AJUBA: variants seen among roughly 807,000 people sequenced by gnomAD.
AJUBA encodes ajuba LIM protein.
Under a neutral mutation model 53.3 loss-of-function variants are expected in AJUBA, and 20 were observed. The ratio of observed to expected loss-of-function variants is 0.38; its 90% CI spans 0.26 to 0.55. The LOEUF (loss-of-function observed/expected upper bound fraction) is 0.55, where lower values mean the gene tolerates loss of function less well. Among genes scored for constraint, AJUBA ranks in the 20% least tolerant of loss-of-function variants. AJUBA has a pLI of 0.80. For synonymous variants in AJUBA, 296 were observed against 306.2 expected, an observed-to-expected ratio of 0.97 and a Z score of 0.35; for missense variants, 580 against 730.5, an observed-to-expected ratio of 0.79 and a Z score of 2.38.
At chr14:22,973,728 T>C (rs1194192974) in intron 7 of AJUBA, among the ~76,000 whole-genome samples, 160 bp from the exon 8 acceptor site, 1 of 151,846 alleles carries the variant, frequency 6.6e-6, no homozygotes, top group African/African-American at 2.4e-5. Flanking sequence ...TCTGAGAAAA[T>C]ACTAATACCT....
In AJUBA at chr14:22,982,509, C is replaced by G. The variant is rs2045113964; in HGVS notation, c.-243G>C. The G allele has an allele frequency of 3.6e-6, 5 of 1,388,804 alleles. No individual in the cohort carries two copies. The highest frequency in any genetic ancestry group is 4.6e-6 in the Non-Finnish European group (5 of 1,075,962). The allele number at this position is 1,388,804 out of a possible 1,614,324, so 86.0% of individuals were successfully genotyped here. A position where few individuals can be genotyped will look rare whatever the true frequency, so the allele number is the denominator to read the frequency against. The stretch of plus-strand genomic sequence containing the variant: ...TAGCAGGGTCTCTGGCCGCGGCTGT[C>G]CAGTCCGCAGGTCTATCTGTTCACG... On this transcript the variant is annotated 5_prime_UTR_variant, in exon 1 of 8. Transcript: ENST00000262713.
Position 22,981,662 on chromosome 14 carries a change from G to C in AJUBA, c.605C>G (p.Ser202Cys). 6.6e-7 allele frequency: 1 copy of C among 1,513,542 alleles called. No homozygotes were observed. Among genetic ancestry groups the C allele is most frequent in the Non-Finnish European group, 8.8e-7 (1 of 1,132,642 alleles). The allele number at this position is 1,513,542 out of a possible 1,614,324, so 93.8% of individuals were successfully genotyped here. ...GGCGGCGTGGAGCTCCGGGTAGGCGGACGGGACCCCTCCGGGAGAATAGCC... is the reference window on the plus strand; with the variant it reads ...GGCGGCGTGGAGCTCCGGGTAGGCGCACGGGACCCCTCCGGGAGAATAGCC... ...PAGYSPGGVP[S>C]AYPELHAALD... is the part of the protein sequence containing the mutation. Residue 202 changes from serine to cysteine, a missense_variant, in exon 1 of 8, where the codon TCC becomes TGC. Physicochemically the swap from Ser to Cys is moderately radical, Grantham distance 112. Around this residue, in one of 2 missense-constraint regions of AJUBA, gnomAD observed 430 missense variants for 471.5 expected, o/e 0.91. Coordinates refer to ENST00000262713, the MANE Select transcript of AJUBA (RefSeq NM_032876.6).
chr14:22,980,798 G>C (rs1275428681), intron 1 of AJUBA: 1 of 410,958 alleles, frequency 2.4e-6, no homozygotes, highest in Non-Finnish European at 3.3e-6. Flanking sequence ...GGCAGGAGTC[G>C]GCACGCACGC....
Position 22,973,317 on chromosome 14 carries a change from G to A in AJUBA, c.*126C>T. The A allele has an allele frequency of 7.3e-7, 1 of 1,366,528 alleles. No individual in the cohort carries two copies. The allele number at this position is 1,366,528 out of a possible 1,614,324, so 84.7% of individuals were successfully genotyped here. A position where few individuals can be genotyped will look rare whatever the true frequency, so the allele number is the denominator to read the frequency against. On this transcript the variant is annotated 3_prime_UTR_variant, in exon 8 of 8. Coordinates refer to ENST00000262713, the MANE Select transcript of AJUBA (RefSeq NM_032876.6). ...ATGATCTTTGGGTCTCCGGCCCTTGGGGTCCTCCCCAGAGGACTCTTCTGC... is the reference window on the plus strand; with the variant it reads ...ATGATCTTTGGGTCTCCGGCCCTTGAGGTCCTCCCCAGAGGACTCTTCTGC...
Position 22,978,457 on chromosome 14 carries a change from A to C in AJUBA, c.1007-12T>G. ...CTTGATACAGGTGCCTGAGAAGAGA[A>C]AAGTGTCACACTCTACTCCCCCAGG... is the stretch of plus-strand genomic sequence containing the variant. On this transcript the variant is annotated splice_polypyrimidine_tract_variant and intron_variant, in intron 1 of 7. Coordinates refer to ENST00000262713, the MANE Select transcript of AJUBA (RefSeq NM_032876.6). The C allele has an allele frequency of 6.2e-7, 1 of 1,607,980 alleles. No individual in the cohort carries two copies. The highest frequency in any genetic ancestry group is 8.5e-7 in the Non-Finnish European group (1 of 1,174,974).
Position 22,981,966 on chromosome 14 carries a change from G to T in AJUBA, c.301C>A (p.Leu101Ile). The change falls in exon 1 of 8, where the codon CTA becomes ATA. Residue 101 changes from leucine to isoleucine, a missense_variant. By Grantham distance (5) the Leu-to-Ile change is conservative. Transcript: ENST00000262713. ...AAATCGGGGGGCAACGACTGAGGTA[G>T]AGGCAAGGCCCGGGTGGGCGGCGGC... ...AGPPPTRALP[L>I]PQSLPPDFRL... 6.3e-7 allele frequency: 1 copy of T among 1,580,346 alleles called. No individual in the cohort carries two copies.
intron 4 of AJUBA, among the ~76,000 whole-genome samples, 177 bp downstream of exon 4, chr14:22,976,279 T>G (rs949927798): frequency 7.2e-5 from 11 of 152,068 alleles, no homozygotes; most frequent in African/African-American, 2.4e-4. Flanking sequence ...GAGCCCAGAC[T>G]TGATCCCATA....
At position 22,973,112 on chromosome 14, in the gene AJUBA, G is replaced by A; in HGVS notation, c.*331C>T. ...GTTCAAGACTAGCCTGGGCAACATG[G>A]TGAGATCCCATCTCTAAAACAAACA... On this transcript the variant is annotated 3_prime_UTR_variant, in exon 8 of 8. Coordinates refer to ENST00000262713, the MANE Select transcript of AJUBA (RefSeq NM_032876.6). The A allele has an allele frequency of 3.5e-6, 1 of 285,286 alleles. No homozygotes were observed. The allele number at this position is 285,286 out of a possible 1,614,324, so 17.7% of individuals were successfully genotyped here.
Position 22,982,464 on chromosome 14 carries a change from C to T in AJUBA, c.-198G>A, listed in dbSNP as rs749551686. The T allele has an allele frequency of 2.9e-4, 410 of 1,427,390 alleles. No individual in the cohort carries two copies. The highest frequency in any genetic ancestry group is 3.6e-4 in the Non-Finnish European group (390 of 1,098,514). 88.4% of individuals were successfully genotyped at this position (1,427,390 alleles called of 1,614,324 possible). A position where few individuals can be genotyped will look rare whatever the true frequency, so the allele number is the denominator to read the frequency against. ...GCGGGAGGGGCTGCGTCCCCCCGCG[C>T]ATCTGGGGCTGAGCGGGGCTAGCAG... On this transcript the variant is annotated 5_prime_UTR_variant, in exon 1 of 8. The change abolishes an upstream ATG in the 5' untranslated region. Coordinates refer to ENST00000262713, the MANE Select transcript of AJUBA (RefSeq NM_032876.6).
Position 22,975,113 on chromosome 14 carries a change from T to TGG in AJUBA, c.1240-11_1240-10dup. On this transcript the variant is annotated splice_polypyrimidine_tract_variant and intron_variant, in intron 4 of 7. Coordinates refer to ENST00000262713, the MANE Select transcript of AJUBA (RefSeq NM_032876.6). Reference sequence around the variant, plus strand: ...CCCATTGCTTGTAGGATCTGGCTCATGGGGTAGCAAGAGAATCAGTCTCCC... The same window carrying TGG: ...CCCATTGCTTGTAGGATCTGGCTCATGGGGGGTAGCAAGAGAATCAGTCTCCC... 2 of 1,607,282 alleles carry TGG rather than the reference T, an allele frequency of 1.2e-6. No individual in the cohort carries two copies. The highest frequency in any genetic ancestry group is 1.7e-6 in the Non-Finnish European group (2 of 1,176,426).
intron 6 of AJUBA, 32 bp downstream of exon 6, chr14:22,974,807 G>C (rs777424549): frequency 1.9e-6 from 3 of 1,600,826 alleles, no homozygotes; most frequent in African/African-American, 1.3e-5. Context: ...AGTGGCACTG[G>C]CTGCCCTGAA....
intron 2 of AJUBA, 75 bp downstream of exon 2, chr14:22,978,269 C>G: frequency 7.1e-7 from 1 of 1,405,566 alleles, no homozygotes; most frequent in Non-Finnish European, 9.9e-7. Context: ...AAGCTCTCCT[C>G]CTGTTCCCCA....
intron 6 of AJUBA, 48 bp from the exon 7 acceptor site, chr14:22,974,163 C>T (rs2045012296): frequency 6.3e-7 from 1 of 1,594,720 alleles, no homozygotes; most frequent in Non-Finnish European, 8.6e-7. Flanking sequence ...TGTTGCCTCA[C>T]CTCCACCTTT....
In AJUBA at chr14:22,982,318, T is replaced by C. The variant is rs376430389; in HGVS notation, c.-52A>G. 71 of 1,595,400 alleles carry C rather than the reference T, an allele frequency of 4.5e-5. No homozygotes were observed. The African/African-American group carries it at 9.1e-4, about 20-fold the overall frequency. ...CCTCCCCGCCTGGCACCCTGCGGCGTCTCGGCGGCCGGTTCTCTTTCCCTG... is the reference window on the plus strand; with the variant it reads ...CCTCCCCGCCTGGCACCCTGCGGCGCCTCGGCGGCCGGTTCTCTTTCCCTG... On this transcript the variant is annotated 5_prime_UTR_variant, in exon 1 of 8. Transcript: ENST00000262713.
At chr14:22,975,708 A>C (rs977230359) in intron 4 of AJUBA, 1 of 152,148 alleles carries the variant, frequency 6.6e-6, no homozygotes, top group African/African-American at 2.4e-5. Context: ...AAAACACACC[A>C]AAAAATTAGC....
chr14:22,982,401 C>T lies in AJUBA; in HGVS notation c.-135G>A. On this transcript the variant is annotated 5_prime_UTR_variant, in exon 1 of 8. Transcript: ENST00000262713. ...GAGGCACAGGGGCTTAGCGGGCGGC[C>T]TGGATGCCCTGCGCCAGGAATCCCA... 4 of 1,462,924 alleles carry T rather than the reference C, an allele frequency of 2.7e-6. No individual in the cohort carries two copies. Among genetic ancestry groups the T allele is most frequent in the Non-Finnish European group, 3.6e-6 (4 of 1,117,530 alleles). The allele number at this position is 1,462,924 out of a possible 1,614,324, so 90.6% of individuals were successfully genotyped here.
At position 22,982,228 on chromosome 14, in the gene AJUBA, C is replaced by T; in HGVS notation, c.39G>A (p.Glu13=). ...RLGEKASRLL[E]KFGRRKGESS... ...ATTCACCCTTTCTGCGGCCGAACTTCTCCAGCAGGCGACTGGCTTTCTCTC... is the reference window on the plus strand; with the variant it reads ...ATTCACCCTTTCTGCGGCCGAACTTTTCCAGCAGGCGACTGGCTTTCTCTC... Residue 13 remains glutamate (E), a synonymous_variant, in exon 1 of 8, where the codon GAG becomes GAA. Transcript: ENST00000262713. The T allele has an allele frequency of 6.2e-7, 1 of 1,614,012 alleles. No homozygotes were observed. The highest frequency in any genetic ancestry group is 8.5e-7 in the Non-Finnish European group (1 of 1,179,922).
intron 2 of AJUBA, 104 bp downstream of exon 2, chr14:22,978,240 T>G: frequency 9.1e-7 from 1 of 1,094,442 alleles, no homozygotes; most frequent in Non-Finnish European, 1.3e-6. Flanking sequence ...AGCTGCTCTG[T>G]GAGCAAATGA....
rs573435809 is a variant in AJUBA, at chr14:22,982,074, G to A, written c.193C>T (p.Arg65Trp). 3 of 1,591,836 alleles carry A rather than the reference G, an allele frequency of 1.9e-6. No homozygotes were observed. Among genetic ancestry groups the A allele is most frequent in the East Asian group, 2.2e-5 (1 of 44,652 alleles). Residue 65 changes from arginine to tryptophan, a missense_variant, in exon 1 of 8, where the codon CGG (arginine) becomes TGG (tryptophan). By Grantham distance (101) the Arg-to-Trp change is moderately radical (BLOSUM62 -3). Transcript: ENST00000262713. ...TCAGCGTCCAGGGAACCTTGCTCCC[G>A]GGCCGGCTCCAACGGCTCATCCCCA... ...GPGDEPLEPAREQGSLDAERN... is the reference protein window; with the variant it reads ...GPGDEPLEPAWEQGSLDAERN...
Sources: gnomAD v4.1 joint callset for allele counts (sites outside exome capture counted in the v4.1 genomes callset) on GRCh38, gnomAD v4.1.1 for gene constraint, gnomAD v4.1.1 regional missense constraint, MANE v1.5 for transcripts, NCBI Gene and HGNC (gene_info 2026-07-23, HGNC 2026-07-21) for gene names.